CHST11: variants seen among roughly 807,000 people sequenced by gnomAD.
The protein encoded by CHST11 is C4S-1.
Under a neutral mutation model 30.4 loss-of-function variants are expected in CHST11, and 9 were observed. That is an observed-to-expected ratio of 0.30 (90% CI 0.18 to 0.52). The LOEUF (loss-of-function observed/expected upper bound fraction) is 0.52, where lower values mean the gene tolerates loss of function less well. Ranked by LOEUF, CHST11 falls within the 20% of genes least tolerant of loss-of-function variation. The pLI, the probability that CHST11 is intolerant of heterozygous loss-of-function variation, is 0.97. For synonymous variants in CHST11, 152 were observed against 187.8 expected (o/e 0.81, Z 1.56); for missense variants, 348 against 460.6 (o/e 0.76, Z 2.24).
intron 2 of CHST11, among the ~76,000 whole-genome samples, chr12:104,613,848 A>C (rs544957564): frequency 1.2e-4 from 18 of 152,230 alleles, no homozygotes; most frequent in Non-Finnish European, 2.4e-4. Flanking sequence ...TAGAATCTAA[A>C]AAGGTTGAAC....
At chr12:104,606,186 A>C (rs1161788505) in intron 2 of CHST11, among the ~76,000 whole-genome samples, 1 of 140,928 alleles carries the variant, frequency 7.1e-6, no homozygotes, top group East Asian at 2.4e-4. Flanking sequence ...GGGGGGGGGA[A>C]TGGCTCCAGG....
chr12:104,477,864 A>G (rs1338753963), intron 1 of CHST11, among the ~76,000 whole-genome samples: 1 of 152,240 alleles, frequency 6.6e-6, no homozygotes. Context: ...AGACACAATG[A>G]TAGCTCTAGG....
At chr12:104,535,979 C>T (rs2038233325) in intron 1 of CHST11, among the ~76,000 whole-genome samples, 1 of 152,168 alleles carries the variant, frequency 6.6e-6, no homozygotes, top group Non-Finnish European at 1.5e-5. Flanking sequence ...GTTAGTTCAG[C>T]TGTTTTCAAT....
At chr12:104,640,698 A>G (rs1727355070) in intron 2 of CHST11, among the ~76,000 whole-genome samples, 1 of 152,224 alleles carries the variant, frequency 6.6e-6, no homozygotes, top group South Asian at 2.1e-4. Flanking sequence ...TACACAAAGA[A>G]TGAAGTCTAA....
rs900279244 is a variant in CHST11 at position 104,682,034 on chromosome 12, C to T, written c.205-74915C>T. 2.6e-5 allele frequency among the ~76,000 whole-genome samples: 4 copies of T among 152,032 alleles called. 1 individual carries two copies. Among genetic ancestry groups the T allele is most frequent in the African/African-American group, 7.2e-5 (3 of 41,462 alleles). ...ATCTTTAGTAGAGACGGGGTTTCAC[C>T]GTTTTAGCCAAGATGGTCTCGATCT... On this transcript the variant is annotated intron_variant, in intron 2 of 2. Coordinates refer to ENST00000303694, the MANE Select transcript of CHST11 (RefSeq NM_018413.6).
At chr12:104,745,305 C>T (rs985371634) in intron 2 of CHST11, among the ~76,000 whole-genome samples, 1 of 152,176 alleles carries the variant, frequency 6.6e-6, no homozygotes, top group Non-Finnish European at 1.5e-5. Flanking sequence ...GTCTATGTGT[C>T]TGTTTTTGTT....
chr12:104,633,983 C>T (rs1164191462), intron 2 of CHST11, among the ~76,000 whole-genome samples: 1 of 152,214 alleles, frequency 6.6e-6, no homozygotes, highest in Non-Finnish European at 1.5e-5. Flanking sequence ...TATTCCCTTC[C>T]CTTGACTTTT....
intron 1 of CHST11, among the ~76,000 whole-genome samples, chr12:104,592,876 C>G (rs2038874131): frequency 6.6e-6 from 1 of 152,156 alleles, no homozygotes; most frequent in Non-Finnish European, 1.5e-5. Context: ...CCAGAATTCT[C>G]TAAAAGAGGG....
intron 2 of CHST11, among the ~76,000 whole-genome samples, chr12:104,646,526 G>A (rs1290413453): frequency 2.0e-5 from 3 of 152,068 alleles, no homozygotes; most frequent in Admixed American, 6.6e-5. Flanking sequence ...GAGGTCAAGA[G>A]ATCAAGACCA....
At chr12:104,743,942 C>T (rs138652164) in intron 2 of CHST11, among the ~76,000 whole-genome samples, 3 of 125,168 alleles carry the variant, frequency 2.4e-5, no homozygotes, top group African/African-American at 6.3e-5. Context: ...CATGATCTCT[C>T]TTTTTTTATG....
At chr12:104,691,990 G>C (rs967029612) in intron 2 of CHST11, among the ~76,000 whole-genome samples, 2 of 152,250 alleles carry the variant, frequency 1.3e-5, no homozygotes, top group Non-Finnish European at 2.9e-5. Context: ...ATTCTCTGCA[G>C]AGCAGTGCCA....
At chr12:104,511,499 T>G (rs1390376140) in intron 1 of CHST11, among the ~76,000 whole-genome samples, 1 of 152,230 alleles carries the variant, frequency 6.6e-6, no homozygotes, top group Non-Finnish European at 1.5e-5. Context: ...GCAAATGCAG[T>G]TGACAGTCAG....
At chr12:104,497,711 GTCT>G (rs1219175581) in intron 1 of CHST11, among the ~76,000 whole-genome samples, 1 of 152,222 alleles carries the variant, frequency 6.6e-6, no homozygotes, top group Admixed American at 6.5e-5. Context: ...GTCCACATCT[GTCT>G]TCTTTCTCCC....
intron 2 of CHST11, among the ~76,000 whole-genome samples, chr12:104,694,178 G>A (rs2039923449): frequency 6.6e-6 from 1 of 152,132 alleles, no homozygotes; most frequent in African/African-American, 2.4e-5. Context: ...GCAGGGGGTA[G>A]CTTGTATCAT....
chr12:104,585,155 A>T (rs1282967951), intron 1 of CHST11, among the ~76,000 whole-genome samples: 2 of 152,136 alleles, frequency 1.3e-5, no homozygotes, highest in African/African-American at 4.8e-5. Flanking sequence ...CTTGGGGGAG[A>T]GATCGTCTTT....
At chr12:104,470,472 C>T (rs1245531206) in intron 1 of CHST11, among the ~76,000 whole-genome samples, 2 of 152,172 alleles carry the variant, frequency 1.3e-5, no homozygotes, top group African/African-American at 2.4e-5. Context: ...CCAACTAACT[C>T]CACTTGGTCC....
chr12:104,471,783 AG>A (rs1593952796), intron 1 of CHST11, among the ~76,000 whole-genome samples: 1 of 152,208 alleles, frequency 6.6e-6, no homozygotes, highest in South Asian at 2.1e-4. Context: ...TTTGGTACTA[AG>A]TCTCCAGAAA....
chr12:104,608,360 C>T (rs1014810798), intron 2 of CHST11, among the ~76,000 whole-genome samples: 1 of 152,106 alleles, frequency 6.6e-6, no homozygotes, highest in African/African-American at 2.4e-5. Context: ...AAATAACTCC[C>T]CATCTTCCTG....
At chr12:104,749,162 G>T (rs1467452853) in intron 2 of CHST11, among the ~76,000 whole-genome samples, 1 of 152,160 alleles carries the variant, frequency 6.6e-6, no homozygotes, top group Non-Finnish European at 1.5e-5. Context: ...GTCAGCTGAA[G>T]AAAGCAACCC....
Sources: gnomAD v4.1 joint callset for allele counts (sites outside exome capture counted in the v4.1 genomes callset) on GRCh38, gnomAD v4.1.1 for gene constraint, MANE v1.5 for transcripts, NCBI Gene and HGNC (gene_info 2026-07-23, HGNC 2026-07-21) for gene names.